Variants in AMOTL1 observed in about 807,000 individuals in gnomAD.
AMOTL1 encodes angiomotin like 1.
In AMOTL1, 45 loss-of-function variants were observed where a neutral mutation model predicts 102.9. The observed-to-expected ratio is 0.44, with a 90% CI of 0.34 to 0.56. AMOTL1 has a LOEUF of 0.56. Among genes scored for constraint, AMOTL1 ranks in the 20% least tolerant of loss-of-function variants. AMOTL1 has a pLI of 0.01. For synonymous variants in AMOTL1, 481 were observed against 484.7 expected (o/e 0.99, Z 0.10); for missense variants, 1,114 against 1,225.6 (o/e 0.91, Z 1.36).
At chr11:94,748,695 TC>T (rs1950616509) in intron 3 of AMOTL1, among the ~76,000 whole-genome samples, 1 of 152,218 alleles carries the variant, frequency 6.6e-6, no homozygotes, top group Non-Finnish European at 1.5e-5. Flanking sequence ...TGTACTATTT[TC>T]TGATGCTTTT....
intron 6 of AMOTL1, among the ~76,000 whole-genome samples, chr11:94,833,167 T>G (rs997789652): frequency 6.6e-6 from 1 of 152,266 alleles, no homozygotes; most frequent in African/African-American, 2.4e-5. Flanking sequence ...ATTTTTCAAC[T>G]GCTTAAAGGA....
chr11:94,789,790 G>C (rs187784982), intron 1 of AMOTL1, among the ~76,000 whole-genome samples: 1 of 152,300 alleles, frequency 6.6e-6, no homozygotes, highest in East Asian at 1.9e-4. Flanking sequence ...TTAGCTCTTT[G>C]AAAGGTAAGA....
rs547617474 is a variant in AMOTL1 at position 94,743,590 on chromosome 11, C to T, written c.136+2602C>T. Among the ~76,000 whole-genome samples, 4 of 149,584 alleles carry T rather than the reference C, an allele frequency of 2.7e-5. No homozygotes were observed. The South Asian group carries it at 6.4e-4, about 24-fold the overall frequency. The stretch of plus-strand genomic sequence containing the variant: ...AGATGAGCACAGGTTCACTCCTGGC[C>T]GGAATATAAGAAGAAGCAGAGCAAA... On this transcript the variant is annotated intron_variant, in intron 3 of 4. Coordinates refer to the AMOTL1 transcript ENST00000299004.
At chr11:94,713,083 A>G (rs1950043532) in intron 1 of AMOTL1, among the ~76,000 whole-genome samples, 1 of 151,214 alleles carries the variant, frequency 6.6e-6, no homozygotes, top group Admixed American at 6.6e-5. Context: ...TGTATGTCCA[A>G]TTTCTCAAGC....
At chr11:94,824,065 C>A (rs1951918809) in intron 4 of AMOTL1, among the ~76,000 whole-genome samples, 1 of 152,238 alleles carries the variant, frequency 6.6e-6, no homozygotes, top group African/African-American at 2.4e-5. Flanking sequence ...ATTTTGAAAA[C>A]TAAAGTGGCT....
intron 3 of AMOTL1, among the ~76,000 whole-genome samples, chr11:94,747,789 G>A (rs1436831599): frequency 6.6e-6 from 1 of 152,132 alleles, no homozygotes; most frequent in African/African-American, 2.4e-5. Context: ...CATCTTCTAG[G>A]GGCTCAGATT....
intron 3 of AMOTL1, among the ~76,000 whole-genome samples, chr11:94,806,213 G>T (rs1215579537): frequency 1.3e-5 from 2 of 152,244 alleles, no homozygotes; most frequent in Admixed American, 6.5e-5. Context: ...CAGCCCAGCA[G>T]TGCAGCAAGT....
At chr11:94,838,635 A>G (rs1251927605) in intron 6 of AMOTL1, among the ~76,000 whole-genome samples, 1 of 152,250 alleles carries the variant, frequency 6.6e-6, no homozygotes, top group Non-Finnish European at 1.5e-5. Flanking sequence ...AGAAGAAGAA[A>G]GAACCCTAAC....
In AMOTL1 at chr11:94,799,092, G is replaced by A. The variant is rs936877166; in HGVS notation, c.200-298G>A. Among the ~76,000 whole-genome samples the A allele has an allele frequency of 6.6e-6, 1 of 151,970 alleles. No homozygotes were observed. The highest frequency in any genetic ancestry group is 2.4e-5 in the African/African-American group (1 of 41,330). Reference sequence around the variant, plus strand: ...TTTTTTTTAAATGGGAAAGACTTGGGTATATTTATGTGATGAAGAGAAAGG... The same window carrying A: ...TTTTTTTTAAATGGGAAAGACTTGGATATATTTATGTGATGAAGAGAAAGG... On this transcript the variant is annotated intron_variant, in intron 2 of 12. Transcript: ENST00000433060. This position sits in a 1 kb window ranked among gnomAD's most constrained non-coding sequence, Gnocchi z 4.5.
intron 1 of AMOTL1, among the ~76,000 whole-genome samples, chr11:94,724,961 C>A (rs958275441): frequency 6.6e-6 from 1 of 152,246 alleles, no homozygotes; most frequent in South Asian, 2.1e-4. Context: ...TCCCTCTCTA[C>A]AGATGGGGCC....
chr11:94,737,998 T>A lies in AMOTL1; in HGVS notation c.86-2940T>A, dbSNP rs371253056. Among the ~76,000 whole-genome samples the A allele has an allele frequency of 6.4e-4, 98 of 152,272 alleles. 2 individuals are homozygous for A. The South Asian group carries it at 0.019, about 29-fold the overall frequency. On this transcript the variant is annotated intron_variant, in intron 2 of 4. Transcript: ENST00000299004. ...AGAAAGGATTTTTAAAAAGACAGGATCATAGTAGTATGTCTGTATACTGAC... is the reference window on the plus strand; with the variant it reads ...AGAAAGGATTTTTAAAAAGACAGGAACATAGTAGTATGTCTGTATACTGAC...
chr11:94,747,572 C>A (rs183839174), intron 3 of AMOTL1, among the ~76,000 whole-genome samples: 1 of 152,174 alleles, frequency 6.6e-6, no homozygotes, highest in Non-Finnish European at 1.5e-5. Flanking sequence ...CCTCCTACCC[C>A]CTTGTCCTCC....
intron 3 of AMOTL1, among the ~76,000 whole-genome samples, chr11:94,807,391 T>G (rs3858373): frequency 0.27 from 40,594 of 152,100 alleles, 5,993 homozygotes; most frequent in East Asian, 0.46. Flanking sequence ...TTTGTTTACA[T>G]TTTTTCTGAA....
At chr11:94,857,434 G>T (rs978708466) in intron 8 of AMOTL1, among the ~76,000 whole-genome samples, 5 of 152,130 alleles carry the variant, frequency 3.3e-5, no homozygotes, top group Non-Finnish European at 5.9e-5. Flanking sequence ...AAGATAGGTT[G>T]GGACAATAGG....
intron 1 of AMOTL1, among the ~76,000 whole-genome samples, chr11:94,716,424 C>T (rs1364302793): frequency 4.6e-5 from 7 of 152,056 alleles, no homozygotes; most frequent in Admixed American, 4.6e-4. Context: ...CACTTGTACC[C>T]TGGACATTTT....
At chr11:94,769,092 C>T (rs889408460) in intron 1 of AMOTL1, among the ~76,000 whole-genome samples, 1 of 152,156 alleles carries the variant, frequency 6.6e-6, no homozygotes, top group Non-Finnish European at 1.5e-5. Context: ...CACCCCAGCC[C>T]CAGACGCTCG....
intron 3 of AMOTL1, among the ~76,000 whole-genome samples, chr11:94,812,217 C>T (rs1248255176): frequency 6.6e-6 from 1 of 152,052 alleles, no homozygotes; most frequent in Non-Finnish European, 1.5e-5. Flanking sequence ...ATTTGTGAAC[C>T]CCAAAGTATC....
chr11:94,743,743 C>G (rs575656120), intron 3 of AMOTL1, among the ~76,000 whole-genome samples: 1 of 140,916 alleles, frequency 7.1e-6, no homozygotes, highest in South Asian at 2.3e-4. Flanking sequence ...ACTGCAACCT[C>G]TGTCTCCTGG....
chr11:94,868,515 G>T (rs1278882042), intron 11 of AMOTL1, among the ~76,000 whole-genome samples: 1 of 152,180 alleles, frequency 6.6e-6, no homozygotes, highest in African/African-American at 2.4e-5. Flanking sequence ...TAAGGAGAGG[G>T]CTAAGTGGCC....
Sources: gnomAD v4.1 joint callset for allele counts (sites outside exome capture counted in the v4.1 genomes callset) on GRCh38, gnomAD v4.1.1 for gene constraint, Gnocchi (gnomAD v3.1) non-coding constraint, MANE v1.5 for transcripts, NCBI Gene and HGNC (gene_info 2026-07-23, HGNC 2026-07-21) for gene names.